The following DENND5A variants were observed in gnomAD, a reference collection of about 807,000 sequenced individuals.
DENND5A encodes DENN domain-containing protein 5A.
DENND5A carries 64 observed loss-of-function variants against 140.3 expected under a neutral mutation model. The ratio of observed to expected loss-of-function variants is 0.46; its 90% CI spans 0.37 to 0.56. The LOEUF (loss-of-function observed/expected upper bound fraction) is 0.56, where lower values mean the gene tolerates loss of function less well. Ranked by LOEUF, DENND5A falls within the 20% of genes least tolerant of loss-of-function variation. The pLI, the probability that DENND5A is intolerant of heterozygous loss-of-function variation, is 0.00. For missense variants in DENND5A, 1,292 were observed against 1,593.8 expected, an observed-to-expected ratio of 0.81 and a Z score of 3.22; for synonymous variants, 605 against 607.7, an observed-to-expected ratio of 1.00 and a Z score of 0.07.
intron 1 of DENND5A, among the ~76,000 whole-genome samples, chr11:9,249,647 G>A (rs1267159965): frequency 2.6e-5 from 4 of 151,952 alleles, no homozygotes; most frequent in East Asian, 3.9e-4. Flanking sequence ...CTCCAGGTTC[G>A]AGCAATTCTC....
intron 5 of DENND5A, among the ~76,000 whole-genome samples, chr11:9,185,648 C>T (rs934182308): frequency 1.3e-5 from 2 of 152,188 alleles, no homozygotes; most frequent in African/African-American, 4.8e-5. Flanking sequence ...GCACGTTCTG[C>T]ACATGTATCC....
chr11:9,178,513 A>AC, intron 7 of DENND5A, 147 bp from the exon 8 acceptor site: 6 of 608,010 alleles, frequency 9.9e-6, no homozygotes, highest in Middle Eastern at 4.4e-4. Context: ...AAAAAAAAAA[A>AC]CCCACTCATG....
rs746229657 is a variant in DENND5A, at chr11:9,144,128, C to G, written c.3273G>C (p.Arg1091Ser). 6.2e-7 allele frequency: 1 copy of G among 1,613,792 alleles called. No individual in the cohort carries two copies. Among genetic ancestry groups the G allele is most frequent in the Non-Finnish European group, 8.5e-7 (1 of 1,179,934 alleles). ...TGTTGTTGGGTGAGATGGTAACAAG[C>G]CTCCGGATGACACTGGGGGACTGCT... ...PLQQSPSVIR[R>S]LVTISPNNKP... Residue 1091 changes from arginine (R) to serine (S), a missense_variant, in exon 19 of 23, where the codon AGG (arginine) becomes AGC (serine). Around this residue, in one of 4 missense-constraint regions of DENND5A, gnomAD observed 498 missense variants for 689.7 expected, o/e 0.72. Transcript: ENST00000328194.
intron 1 of DENND5A, chr11:9,245,586 G>A (rs578031524): frequency 2.6e-5 from 4 of 151,292 alleles, no homozygotes; most frequent in South Asian, 2.1e-4. Flanking sequence ...GCAAGACTCC[G>A]TCTCGGGGGA....
chr11:9,192,506 T>A (rs1254058098), intron 5 of DENND5A, among the ~76,000 whole-genome samples: 1 of 152,006 alleles, frequency 6.6e-6, no homozygotes, highest in Non-Finnish European at 1.5e-5. Context: ...TGGGCACCTG[T>A]AATCACAGCT....
intron 1 of DENND5A, chr11:9,245,545 C>G (rs1033429560): frequency 1.3e-5 from 2 of 148,438 alleles, no homozygotes; most frequent in Non-Finnish European, 3.0e-5. Flanking sequence ...GAGCTGAGAT[C>G]GCAACACTGC....
intron 6 of DENND5A, among the ~76,000 whole-genome samples, chr11:9,180,422 C>T (rs1480895918): frequency 6.6e-6 from 1 of 152,192 alleles, no homozygotes; most frequent in Non-Finnish European, 1.5e-5. Context: ...CACCACACTC[C>T]AGCCTGAGTG....
intron 5 of DENND5A, among the ~76,000 whole-genome samples, chr11:9,191,199 C>A (rs763436368): frequency 6.6e-6 from 1 of 151,884 alleles, no homozygotes; most frequent in Non-Finnish European, 1.5e-5. Flanking sequence ...ACAGAGGGAA[C>A]TTTTGGGTTT....
chr11:9,142,037 C>T lies in DENND5A; in HGVS notation c.3583G>A (p.Ala1195Thr). ...GTGACAAATCGGCAGAAGTTCCGGG[C>T]TCTTGTATGCCAGTTTTCCTCAGGG... ...VVPEENWHTR[A>T]RNFCRFVTAI... is the part of the protein sequence containing the mutation. The change falls in exon 22 of 23, where the codon GCC (alanine) becomes ACC (threonine). Residue 1195 changes from alanine to threonine, a missense_variant. Ala to Thr is a moderately conservative substitution (Grantham distance 58). Around this residue, in one of 4 missense-constraint regions of DENND5A, gnomAD observed 498 missense variants for 689.7 expected, o/e 0.72. Coordinates refer to ENST00000328194, the MANE Select transcript of DENND5A (RefSeq NM_015213.4). The T allele has an allele frequency of 1.2e-6, 2 of 1,605,974 alleles. No individual in the cohort carries two copies. Among genetic ancestry groups the T allele is most frequent in the East Asian group, 2.2e-5 (1 of 44,530 alleles).
chr11:9,179,822 A>G (rs1189249617), intron 6 of DENND5A, among the ~76,000 whole-genome samples: 2 of 152,170 alleles, frequency 1.3e-5, no homozygotes, highest in Non-Finnish European at 2.9e-5. Context: ...TAATCTCACC[A>G]AATATTTCTG....
intron 12 of DENND5A, among the ~76,000 whole-genome samples, chr11:9,159,525 T>C (rs572294471): frequency 3.3e-5 from 5 of 152,068 alleles, no homozygotes; most frequent in Non-Finnish European, 5.9e-5. Flanking sequence ...ACCATGTTGA[T>C]CAAGCTGGTC....
intron 14 of DENND5A, 104 bp from the exon 15 acceptor site, chr11:9,150,313 T>G: frequency 1.4e-6 from 2 of 1,384,116 alleles, no homozygotes; most frequent in Non-Finnish European, 2.0e-6. Flanking sequence ...GACAGACTTA[T>G]CTCACCCTGG....
In DENND5A at chr11:9,250,045, A is replaced by T. The variant is rs985937472; in HGVS notation, c.109+14916T>A. ...GTTCATGCCTTTAAAAATAAAATTT[A>T]AAAAAAAAAAAAAAATCCTTAAAAT... On this transcript the variant is annotated intron_variant, in intron 1 of 22. Transcript: ENST00000328194. Among the ~76,000 whole-genome samples, 42 of 69,592 alleles carry T rather than the reference A, an allele frequency of 6.0e-4. No homozygotes were observed. The East Asian group carries it at 8.8e-3, about 15-fold the overall frequency. The allele number at this position is 69,592 out of a possible 152,430, so 45.7% of individuals were successfully genotyped here.
chr11:9,190,385 T>A (rs1044751378), intron 5 of DENND5A, among the ~76,000 whole-genome samples: 1 of 152,036 alleles, frequency 6.6e-6, no homozygotes, highest in African/African-American at 2.4e-5. Flanking sequence ...AGGTACCCAG[T>A]AGGGGGTAGT....
chr11:9,153,344 CAAAAAAAAAAAAAA>C (rs59736475), intron 12 of DENND5A, among the ~76,000 whole-genome samples: 1 of 27,024 alleles, frequency 3.7e-5, no homozygotes, highest in Admixed American at 5.5e-4. Context: ...GGCTCCCTCT[CAAAAAAAAAAAAAA>C]AAAAAAAAAA....
intron 1 of DENND5A, among the ~76,000 whole-genome samples, chr11:9,221,958 A>C (rs570536342): frequency 1.4e-4 from 21 of 150,514 alleles, no homozygotes; most frequent in South Asian, 1.1e-3. Context: ...GAGGTTTCAC[A>C]GTGTTGGCCA....
At chr11:9,154,540 A>T (rs4390340) in intron 12 of DENND5A, among the ~76,000 whole-genome samples, 149,078 of 152,026 alleles carry the variant, frequency 0.98, 73,164 homozygotes, top group East Asian at 1. Flanking sequence ...AAAAAAAAAA[A>T]CAAACATCTG....
intron 4 of DENND5A, among the ~76,000 whole-genome samples, chr11:9,202,520 T>C (rs1590269544): frequency 6.6e-6 from 1 of 152,178 alleles, no homozygotes; most frequent in Non-Finnish European, 1.5e-5. Context: ...CAAGAGTCCT[T>C]TGAATACCCC....
At chr11:9,160,116 A>G (rs933415918) in intron 12 of DENND5A, among the ~76,000 whole-genome samples, 2 of 152,202 alleles carry the variant, frequency 1.3e-5, no homozygotes, top group African/African-American at 4.8e-5. Flanking sequence ...CCATGATAAA[A>G]CTTCTTTTCA....
Sources: allele counts gnomAD v4.1 joint callset (sites outside exome capture counted in the v4.1 genomes callset), GRCh38; gene constraint gnomAD v4.1.1; regional missense constraint gnomAD v4.1.1; transcripts MANE v1.5; gene names NCBI Gene and HGNC (gene_info 2026-07-23, HGNC 2026-07-21).